Variants in DGCR2 observed in about 807,000 individuals in gnomAD.
DGCR2 encodes the protein integral membrane protein DGCR2/IDD.
A neutral mutation model predicts 51.6 loss-of-function variants in DGCR2; 24 were observed. That is an observed-to-expected ratio of 0.47 (90% CI 0.34 to 0.65). The LOEUF (loss-of-function observed/expected upper bound fraction) is 0.65, where lower values mean the gene tolerates loss of function less well. DGCR2 is among the 30% of genes least tolerant of loss of function. The pLI is 0.01. For missense variants in DGCR2, 765 were observed against 772.1 expected (o/e 0.99, Z 0.11); for synonymous variants, 340 against 315.4 (o/e 1.08, Z -0.82).
chr22:19,121,967 G>T (rs1357882033), intron 1 of DGCR2, 161 bp downstream of exon 1: 6 of 330,832 alleles, frequency 1.8e-5, no homozygotes, highest in African/African-American at 1.3e-4. Flanking sequence ...GCTCCAGCAG[G>T]CGTCCGCAGA....
chr22:19,048,041 A>T (rs1448974932), intron 7 of DGCR2: 1 of 253,428 alleles, frequency 3.9e-6, no homozygotes, highest in Admixed American at 5.0e-5. Flanking sequence ...AAAAATACAA[A>T]AACTAGCCAG....
chr22:19,115,946 T>C (rs1032387765), intron 1 of DGCR2, among the ~76,000 whole-genome samples: 1 of 152,248 alleles, frequency 6.6e-6, no homozygotes, highest in African/African-American at 2.4e-5. Flanking sequence ...TGATTAACAC[T>C]AACATTTTGC....
intron 4 of DGCR2, 43 bp from the exon 5 acceptor site, chr22:19,063,321 G>C (rs763969683): frequency 6.4e-6 from 10 of 1,571,980 alleles, no homozygotes; most frequent in Non-Finnish European, 7.9e-6. Flanking sequence ...AGCGGCAGGA[G>C]GGATGCAACC....
At chr22:19,108,472 G>C (rs1248261660) in intron 1 of DGCR2, among the ~76,000 whole-genome samples, 2 of 151,034 alleles carry the variant, frequency 1.3e-5, no homozygotes, top group African/African-American at 4.9e-5. Flanking sequence ...TACTCGGTGA[G>C]GGTGAGGTGG....
At chr22:19,109,787 A>T (rs866154131) in intron 1 of DGCR2, among the ~76,000 whole-genome samples, 2 of 151,716 alleles carry the variant, frequency 1.3e-5, no homozygotes, top group African/African-American at 4.9e-5. Flanking sequence ...TTACGTTATT[A>T]AAAAAAAACT....
At chr22:19,072,525 A>G (rs1355888428) in intron 2 of DGCR2, among the ~76,000 whole-genome samples, 1 of 152,224 alleles carries the variant, frequency 6.6e-6, no homozygotes, top group Non-Finnish European at 1.5e-5. Context: ...GGCCATTAAC[A>G]TCCTCAAAGT....
intron 1 of DGCR2, among the ~76,000 whole-genome samples, chr22:19,091,491 G>GT (rs2083077801): frequency 1.3e-5 from 2 of 152,302 alleles, no homozygotes; most frequent in South Asian, 4.1e-4. Context: ...AAATGTTTAT[G>GT]TATCTATTAA....
intron 2 of DGCR2, 62 bp downstream of exon 2, chr22:19,089,306 C>T: frequency 6.7e-7 from 1 of 1,498,632 alleles, no homozygotes; most frequent in Non-Finnish European, 9.0e-7. Context: ...ACAAGAGGCA[C>T]AGTCACCCAG....
intron 2 of DGCR2, among the ~76,000 whole-genome samples, chr22:19,084,258 C>G (rs1392420370): frequency 6.6e-6 from 1 of 151,964 alleles, no homozygotes; most frequent in Non-Finnish European, 1.5e-5. Flanking sequence ...CTGTCGCCAT[C>G]CCATCTAGGA....
chr22:19,066,086 G>T (rs1426068136), intron 3 of DGCR2, among the ~76,000 whole-genome samples: 2 of 152,208 alleles, frequency 1.3e-5, no homozygotes, highest in African/African-American at 4.8e-5. Flanking sequence ...AGTGTGCAAG[G>T]AAGCTCTTTA....
chr22:19,070,811 G>A (rs181824594), intron 2 of DGCR2, among the ~76,000 whole-genome samples: 3 of 152,290 alleles, frequency 2.0e-5, no homozygotes, highest in African/African-American at 4.8e-5. Flanking sequence ...TCACCCCCAC[G>A]TTTATTCAAT....
At chr22:19,117,761 A>G (rs1375020004) in intron 1 of DGCR2, among the ~76,000 whole-genome samples, 1 of 152,232 alleles carries the variant, frequency 6.6e-6, no homozygotes, top group Admixed American at 6.5e-5. Context: ...ATTTCCAAAT[A>G]AAAGTTTTCT....
Position 19,122,309 on chromosome 22 carries a change from G to C in DGCR2, c.-103C>G. ...CGGAGGGTCAGGCGGAGCTGAACCT[G>C]GGCGAGGCGCGGAGAGGCGGCGGGA... On this transcript the variant is annotated 5_prime_UTR_variant, in exon 1 of 10. Transcript: ENST00000263196. 1 of 963,854 alleles carries C rather than the reference G, an allele frequency of 1.0e-6. No individual in the cohort carries two copies. The highest frequency in any genetic ancestry group is 1.4e-6 in the Non-Finnish European group (1 of 696,138). The allele number at this position is 963,854 out of a possible 1,614,324, so 59.7% of individuals were successfully genotyped here.
Position 19,089,380 on chromosome 22 carries a change from C to T in DGCR2, c.190G>A (p.Ala64Thr), listed in dbSNP as rs2083053128. ...TCAACACACTCACCTGGACAGTTGG[C>T]TTCGTCGCTCTCATCCTCGCAAGTC... ...WATCEDESDE[A>T]NCPEVTGEVR... is the part of the protein sequence containing the mutation. Residue 64 changes from alanine (A) to threonine (T), a missense_variant, in exon 2 of 10, where the codon GCC (alanine) becomes ACC (threonine). Around this residue, in one of 3 missense-constraint regions of DGCR2, gnomAD observed 370 missense variants for 325.5 expected, o/e 1.14. Transcript: ENST00000263196. The T allele has an allele frequency of 6.2e-7, 1 of 1,607,806 alleles. No homozygotes were observed. Among genetic ancestry groups the T allele is most frequent in the East Asian group, 2.2e-5 (1 of 44,500 alleles).
At chr22:19,064,215 G>A (rs937962199) in intron 4 of DGCR2, among the ~76,000 whole-genome samples, 15 of 152,280 alleles carry the variant, frequency 9.9e-5, no homozygotes, top group Non-Finnish European at 1.8e-4. Flanking sequence ...CCACAAGGCT[G>A]TCCTCAGAGA....
intron 3 of DGCR2, 196 bp from the exon 4 acceptor site, chr22:19,065,263 G>C (rs1569056214): frequency 2.0e-5 from 12 of 590,364 alleles, no homozygotes; most frequent in Non-Finnish European, 3.6e-5. Flanking sequence ...CAGATTCAAT[G>C]ATACAAGTAC....
At chr22:19,116,530 G>C (rs902764303) in intron 1 of DGCR2, among the ~76,000 whole-genome samples, 2 of 152,132 alleles carry the variant, frequency 1.3e-5, no homozygotes, top group African/African-American at 4.8e-5. Flanking sequence ...CTGGTCTCTC[G>C]GGATTACCGA....
chr22:19,065,175 G>T, intron 3 of DGCR2, 108 bp from the exon 4 acceptor site: 1 of 950,302 alleles, frequency 1.1e-6, no homozygotes, highest in Non-Finnish European at 1.6e-6. Flanking sequence ...CCCTAGAGAA[G>T]TGGGGAAACT....
chr22:19,053,168 T>C (rs1301914216), intron 6 of DGCR2, among the ~76,000 whole-genome samples: 1 of 152,234 alleles, frequency 6.6e-6, no homozygotes, highest in African/African-American at 2.4e-5. Flanking sequence ...GAAAAGCCAC[T>C]GTGCTGGACC....
Sources: allele counts gnomAD v4.1 joint callset (sites outside exome capture counted in the v4.1 genomes callset), GRCh38; gene constraint gnomAD v4.1.1; regional missense constraint gnomAD v4.1.1; transcripts MANE v1.5; gene names NCBI Gene and HGNC (gene_info 2026-07-23, HGNC 2026-07-21).